Variants in PTDSS2 observed in about 807,000 individuals in gnomAD.
The protein encoded by PTDSS2 is PSS-2.
Under a neutral mutation model 64.7 loss-of-function variants are expected in PTDSS2, and 41 were observed. The observed-to-expected ratio is 0.63, with a 90% CI of 0.49 to 0.82. PTDSS2 has a LOEUF of 0.82. PTDSS2 is among the 40% of genes least tolerant of loss of function. PTDSS2 has a pLI of 0.00. For missense variants in PTDSS2, 485 were observed against 650.0 expected (o/e 0.75, Z 2.76); for synonymous variants, 297 against 277.8 (o/e 1.07, Z -0.69).
chr11:472,284 G>C (rs1424140366), intron 2 of PTDSS2, among the ~76,000 whole-genome samples: 1 of 152,192 alleles, frequency 6.6e-6, no homozygotes, highest in Non-Finnish European at 1.5e-5. Context: ...GCTGAGGTGG[G>C]GCCTATGTCT....
intron 2 of PTDSS2, chr11:463,430 T>A (rs1422522435): frequency 6.6e-6 from 1 of 150,736 alleles, no homozygotes; most frequent in East Asian, 2.0e-4. Context: ...TTTCACCGTG[T>A]TAGCCAGGTT....
At chr11:490,270 A>G in intron 11 of PTDSS2, 150 bp from the exon 12 acceptor site, 1 of 1,228,172 alleles carries the variant, frequency 8.1e-7, no homozygotes, top group Non-Finnish European at 1.2e-6. Flanking sequence ...TCAGGGCTCC[A>G]GTCTGCCACG....
chr11:452,381 A>G (rs548947610), intron 1 of PTDSS2, among the ~76,000 whole-genome samples: 182 of 152,378 alleles, frequency 1.2e-3, no homozygotes, highest in Non-Finnish European at 2.4e-3. Flanking sequence ...CAGGGGGCAC[A>G]TGCAAGCCTG....
chr11:467,140 G>A (rs1021772699), intron 2 of PTDSS2, among the ~76,000 whole-genome samples: 3 of 152,032 alleles, frequency 2.0e-5, no homozygotes, highest in Admixed American at 6.6e-5. Context: ...GCAGTGAGCC[G>A]AGATGGGGCC....
At chr11:486,837 G>T (rs1848415093) in intron 4 of PTDSS2, 102 bp from the exon 5 acceptor site, 2 of 1,442,952 alleles carry the variant, frequency 1.4e-6, no homozygotes, top group Non-Finnish European at 1.8e-6. Context: ...GACAGAGCGA[G>T]ACTCCATCTC....
intron 1 of PTDSS2, among the ~76,000 whole-genome samples, chr11:452,131 C>T (rs991595516): frequency 6.6e-6 from 1 of 152,068 alleles, no homozygotes; most frequent in Admixed American, 6.5e-5. Context: ...ACGGGCTCCT[C>T]TGACATCCCG....
In PTDSS2 at chr11:479,322, GCC is replaced by G; in HGVS notation, c.435+172_435+173del. 1 of 676,862 alleles carries G rather than the reference GCC, an allele frequency of 1.5e-6. No homozygotes were observed. The highest frequency in any genetic ancestry group is 2.3e-5 in the Admixed American group (1 of 42,678). 41.9% of individuals were successfully genotyped at this position (676,862 alleles called of 1,614,324 possible). ...GGGGGTCTCCAGGAGCATCTGTGCG[GCC>G]CTTGAGTGATGGGGGGCAGCAAAGC... On this transcript the variant is annotated intron_variant, in intron 4 of 11. Coordinates refer to ENST00000308020, the MANE Select transcript of PTDSS2 (RefSeq NM_030783.3). The surrounding 1 kb of genome is among the most constrained non-coding windows in gnomAD (Gnocchi z 4.2).
At chr11:469,366 T>G (rs1590639083) in intron 2 of PTDSS2, among the ~76,000 whole-genome samples, 3 of 61,058 alleles carry the variant, frequency 4.9e-5, no homozygotes, top group African/African-American at 8.8e-5. Context: ...AGGAGGGGAG[T>G]CTCTGGGTAA....
intron 2 of PTDSS2, among the ~76,000 whole-genome samples, chr11:468,937 AG>A (rs1847267909): frequency 1.5e-5 from 2 of 135,770 alleles, no homozygotes; most frequent in African/African-American, 2.9e-5. Flanking sequence ...GGGTAATCGG[AG>A]AAAGAGGGGA....
rs1057467722 is a variant in PTDSS2 at position 476,810 on chromosome 11, C to T, written c.368-2275C>T. Among the ~76,000 whole-genome samples, 2 of 152,210 alleles carry T rather than the reference C, an allele frequency of 1.3e-5. No individual in the cohort carries two copies. The highest frequency in any genetic ancestry group is 2.9e-5 in the Non-Finnish European group (2 of 68,042). ...TGTTCAGTTTTTAGTCTGAGCTCTG[C>T]TCTACCTTTCTTCTGTCCGTTTAGT... On this transcript the variant is annotated intron_variant, in intron 3 of 11. Transcript: ENST00000308020. This position sits in a 1 kb window ranked among gnomAD's most constrained non-coding sequence, Gnocchi z 4.9.
At chr11:463,836 A>C (rs951879697) in intron 2 of PTDSS2, 1 of 152,014 alleles carries the variant, frequency 6.6e-6, no homozygotes, top group Non-Finnish European at 1.5e-5. Flanking sequence ...ATGAGCCACC[A>C]TGCCTGGCCA....
rs73399676 is a variant in PTDSS2 at position 487,229 on chromosome 11, A to G, written c.570+156A>G. On this transcript the variant is annotated intron_variant, in intron 5 of 11. Transcript: ENST00000308020. Reference sequence around the variant, plus strand: ...GGCCCTGTCCGTCTGGATGGTGCTCATGGTGGGCAGGGGGCCCCTGCTCTC... The same window carrying G: ...GGCCCTGTCCGTCTGGATGGTGCTCGTGGTGGGCAGGGGGCCCCTGCTCTC... 6.4e-3 allele frequency: 6,250 copies of G among 979,672 alleles called. 240 individuals are homozygous for G. The African/African-American group carries it at 0.088, about 14-fold the overall frequency. The allele number at this position is 979,672 out of a possible 1,614,324, so 60.7% of individuals were successfully genotyped here.
chr11:482,469 G>A (rs1021858834), intron 4 of PTDSS2, among the ~76,000 whole-genome samples: 2 of 151,708 alleles, frequency 1.3e-5, no homozygotes, highest in Admixed American at 6.6e-5. Flanking sequence ...GTGAGCCACC[G>A]CACCTGACTA....
intron 2 of PTDSS2, among the ~76,000 whole-genome samples, chr11:473,523 C>T (rs1847576677): frequency 6.6e-6 from 1 of 152,240 alleles, no homozygotes; most frequent in Non-Finnish European, 1.5e-5. Flanking sequence ...AGCACAGGGA[C>T]CTTCTCCTGG....
intron 4 of PTDSS2, among the ~76,000 whole-genome samples, chr11:483,959 C>T (rs1395733281): frequency 6.6e-6 from 1 of 152,174 alleles, no homozygotes; most frequent in African/African-American, 2.4e-5. Flanking sequence ...GTGCATTCTC[C>T]ACAAGGAGGT....
rs939505379 is a variant in PTDSS2, at chr11:487,043, C to T, written c.540C>T (p.Asp180=). ...GAAACTGCCTCATCTACGACCCAGACAATGAGACTGACCCCTTTCACAACA... is the reference window on the plus strand; with the variant it reads ...GAAACTGCCTCATCTACGACCCAGATAATGAGACTGACCCCTTTCACAACA... The part of the protein sequence containing the change: ...YGGNCLIYDP[D]NETDPFHNIW... The change falls in exon 5 of 12, where the codon GAC becomes GAT. Residue 180 remains aspartate (D), a synonymous_variant. Transcript: ENST00000308020. 4 of 1,613,420 alleles carry T rather than the reference C, an allele frequency of 2.5e-6. No individual in the cohort carries two copies. The African/African-American group carries it at 4.0e-5, about 16-fold the overall frequency.
chr11:460,354 T>C lies in PTDSS2; in HGVS notation c.284+66T>C. ...GCCCCGTGTGGTGGGTGTGGCACCC[T>C]TACTGCTCGGGCTGCCGGGGGCTCA... On this transcript the variant is annotated intron_variant, in intron 2 of 11. Coordinates refer to ENST00000308020, the MANE Select transcript of PTDSS2 (RefSeq NM_030783.3). This position sits in a 1 kb window ranked among gnomAD's most constrained non-coding sequence, Gnocchi z 5.8. 7.3e-7 allele frequency: 1 copy of C among 1,373,052 alleles called. No individual in the cohort carries two copies. Among genetic ancestry groups the C allele is most frequent in the Middle Eastern group, 2.0e-4 (1 of 4,906 alleles). The allele number at this position is 1,373,052 out of a possible 1,614,324, so 85.1% of individuals were successfully genotyped here. A position where few individuals can be genotyped will look rare whatever the true frequency, so the allele number is the denominator to read the frequency against.
intron 1 of PTDSS2, among the ~76,000 whole-genome samples, chr11:455,223 C>A (rs1846530518): frequency 6.6e-6 from 1 of 152,218 alleles, no homozygotes. Context: ...GGGCTGTTGT[C>A]TCTTCCACGG....
chr11:462,394 C>T lies in PTDSS2; in HGVS notation c.284+2106C>T, dbSNP rs891589158. On this transcript the variant is annotated intron_variant, in intron 2 of 11. Coordinates refer to ENST00000308020, the MANE Select transcript of PTDSS2 (RefSeq NM_030783.3). The surrounding 1 kb of genome is among the most constrained non-coding windows in gnomAD (Gnocchi z 4.5). ...GTGTTCATTGAGAGGGGCCAGGAGA[C>T]GGGAATTCACGGGGCCCTGGGCACT... Among the ~76,000 whole-genome samples the T allele has an allele frequency of 1.3e-5, 2 of 152,198 alleles. No homozygotes were observed. The highest frequency in any genetic ancestry group is 4.1e-4 in the South Asian group (2 of 4,832).
Sources: allele counts gnomAD v4.1 joint callset (sites outside exome capture counted in the v4.1 genomes callset), GRCh38; gene constraint gnomAD v4.1.1; non-coding constraint Gnocchi (gnomAD v3.1); transcripts MANE v1.5; gene names NCBI Gene and HGNC (gene_info 2026-07-23, HGNC 2026-07-21).